Variants in SVIL observed in about 807,000 individuals in gnomAD.
The protein encoded by SVIL is archvillin.
A neutral mutation model predicts 240.4 loss-of-function variants in SVIL; 101 were observed. That is an observed-to-expected ratio of 0.42 (90% CI 0.36 to 0.50). SVIL has a LOEUF of 0.50. SVIL is among the 20% of genes least tolerant of loss of function. The pLI, the probability that SVIL is intolerant of heterozygous loss-of-function variation, is 0.01. For synonymous variants in SVIL, 999 were observed against 1,100.0 expected, an observed-to-expected ratio of 0.91 and a Z score of 1.82; for missense variants, 2,512 against 2,818.7, an observed-to-expected ratio of 0.89 and a Z score of 2.46.
chr10:29,556,576 C>T (rs1030017576), intron 3 of SVIL, among the ~76,000 whole-genome samples: 3 of 152,046 alleles, frequency 2.0e-5, no homozygotes, highest in South Asian at 2.1e-4. Context: ...TTGAGATAGC[C>T]GGCTTCAAAA....
Position 29,586,889 on chromosome 10 carries a change from C to T in SVIL, c.-200-17577G>A, listed in dbSNP as rs192164160. On this transcript the variant is annotated intron_variant, in intron 1 of 37. Transcript: ENST00000355867. ...GGGAACAACACACACTGGGGCCTTT[C>T]GCAGGGTGGAGGGTGGGAGGAGGGA... is the stretch of plus-strand genomic sequence containing the variant. Among the ~76,000 whole-genome samples, 335 of 152,112 alleles carry T rather than the reference C, an allele frequency of 2.2e-3. 2 individuals are homozygous for T. Among genetic ancestry groups the T allele is most frequent in the Non-Finnish European group, 4.1e-3 (279 of 67,990 alleles).
chr10:29,547,878 T>C (rs1478553887), intron 6 of SVIL, among the ~76,000 whole-genome samples: 1 of 152,226 alleles, frequency 6.6e-6, no homozygotes, highest in Non-Finnish European at 1.5e-5. Context: ...AATTGGAGTC[T>C]GTTAGGTTCT....
intron 16 of SVIL, among the ~76,000 whole-genome samples, chr10:29,520,497 T>C (rs7073659): frequency 0.44 from 66,678 of 152,006 alleles, 15,325 homozygotes; most frequent in African/African-American, 0.56. Flanking sequence ...TAACTTATCA[T>C]GAATTTTAAG....
Position 29,507,000 on chromosome 10 carries a change from A to G in SVIL, c.3516+5735T>C, listed in dbSNP as rs1949409250. On this transcript the variant is annotated intron_variant, in intron 17 of 37. Coordinates refer to ENST00000355867, the MANE Select transcript of SVIL (RefSeq NM_021738.3). ...GAAATAAAAGAAACCAGCCATTCCT[A>G]TTTTTCATGTTATTCACCCACACAG... Among the ~76,000 whole-genome samples, 6 of 152,190 alleles carry G rather than the reference A, an allele frequency of 3.9e-5. No individual in the cohort carries two copies. The South Asian group carries it at 1.2e-3, about 32-fold the overall frequency.
At chr10:29,668,414 A>G (rs1959497401) in intron 2 of SVIL, among the ~76,000 whole-genome samples, 1 of 152,206 alleles carries the variant, frequency 6.6e-6, no homozygotes, top group Non-Finnish European at 1.5e-5. Context: ...CAAATGTTTA[A>G]TTATGTTGAA....
rs752860612 is a variant in SVIL at position 29,606,956 on chromosome 10, C to T, written c.-201+27464G>A. Among the ~76,000 whole-genome samples the T allele has an allele frequency of 1.6e-4, 25 of 152,174 alleles. No homozygotes were observed. In the East Asian group the frequency reaches 1.9e-3, roughly 12 times the overall value. ...TTTTAGTAGAGACGAGGTTTCACCA[C>T]GCTGGCCAGGCTGGCCTCAAACTCC... On this transcript the variant is annotated intron_variant, in intron 1 of 37. Coordinates refer to ENST00000355867, the MANE Select transcript of SVIL (RefSeq NM_021738.3).
At chr10:29,473,382 A>G (rs918223331) in intron 30 of SVIL, among the ~76,000 whole-genome samples, 1 of 152,326 alleles carries the variant, frequency 6.6e-6, no homozygotes, top group Non-Finnish European at 1.5e-5. Context: ...TTCTCGTGAC[A>G]AAATTTCAGG....
chr10:29,510,647 C>G (rs1177725239), intron 17 of SVIL, among the ~76,000 whole-genome samples: 8 of 152,128 alleles, frequency 5.3e-5, no homozygotes, highest in African/African-American at 1.7e-4. Context: ...GTCAGCAAGG[C>G]TAGAGCTACT....
chr10:29,532,701 G>GA lies in SVIL; in HGVS notation c.1665dup (p.Gln556SerfsTer8). 6.2e-7 allele frequency: 1 copy of GA among 1,614,216 alleles called. No individual in the cohort carries two copies. ...TCCTTATACTTCAAGGCCTGGAGCT[G>GA]AGGGGGGCCTGTGAAATCTGACAGA... On this transcript the variant is annotated frameshift_variant, in exon 8 of 38. Coordinates refer to ENST00000355867, the MANE Select transcript of SVIL (RefSeq NM_021738.3). LOFTEE classifies it high-confidence loss of function.
chr10:29,600,717 C>A (rs1956779264), intron 1 of SVIL, among the ~76,000 whole-genome samples: 1 of 152,076 alleles, frequency 6.6e-6, no homozygotes, highest in South Asian at 2.1e-4. Flanking sequence ...CACAAAAGGA[C>A]CCTATGCAAA....
At chr10:29,615,793 C>CA (rs1399414705) in intron 1 of SVIL, among the ~76,000 whole-genome samples, 1 of 152,144 alleles carries the variant, frequency 6.6e-6, no homozygotes, top group Non-Finnish European at 1.5e-5. Context: ...AATTTAAGTA[C>CA]AAAAATGTTT....
intron 1 of SVIL, among the ~76,000 whole-genome samples, chr10:29,619,049 A>G (rs1029097824): frequency 2.1e-4 from 32 of 152,256 alleles, no homozygotes; most frequent in African/African-American, 7.2e-4. Context: ...GAACGGAAAG[A>G]TAATCAAACA....
chr10:29,723,674 C>A (rs1964117343), intron 1 of SVIL, among the ~76,000 whole-genome samples: 2 of 152,118 alleles, frequency 1.3e-5, no homozygotes, highest in African/African-American at 2.4e-5. Flanking sequence ...AATAGTCATT[C>A]TCCTATTTAC....
intron 6 of SVIL, among the ~76,000 whole-genome samples, chr10:29,547,412 C>A (rs1026712607): frequency 8.1e-6 from 1 of 123,450 alleles, no homozygotes; most frequent in African/African-American, 3.0e-5. Context: ...ATAAGGCATG[C>A]ACCTCTCTAG....
chr10:29,516,985 A>C (rs2132507936), intron 16 of SVIL, among the ~76,000 whole-genome samples: 1 of 152,338 alleles, frequency 6.6e-6, no homozygotes, highest in East Asian at 1.9e-4. Flanking sequence ...AGAGAATTAC[A>C]GGCACCCCAT....
intron 2 of SVIL, among the ~76,000 whole-genome samples, chr10:29,660,607 G>C (rs777292676): frequency 1.2e-4 from 19 of 152,012 alleles, no homozygotes; most frequent in Non-Finnish European, 7.4e-5. Flanking sequence ...AATTCTGGTG[G>C]GGGGAACGGG....
At chr10:29,476,890 T>C (rs555965728) in intron 29 of SVIL, among the ~76,000 whole-genome samples, 4 of 152,162 alleles carry the variant, frequency 2.6e-5, no homozygotes, top group African/African-American at 9.6e-5. Flanking sequence ...TGAGACAGGG[T>C]CTCACCCTGT....
chr10:29,494,506 T>C (rs1948252297), intron 20 of SVIL, among the ~76,000 whole-genome samples: 2 of 152,242 alleles, frequency 1.3e-5, no homozygotes, highest in Non-Finnish European at 2.9e-5. Context: ...GACTTTTATA[T>C]TGAAACATTT....
intron 1 of SVIL, among the ~76,000 whole-genome samples, chr10:29,606,957 G>A (rs879345011): frequency 3.9e-5 from 6 of 152,120 alleles, no homozygotes; most frequent in Non-Finnish European, 5.9e-5. Flanking sequence ...GTTTCACCAC[G>A]CTGGCCAGGC....
Sources: gnomAD v4.1 joint callset for allele counts (sites outside exome capture counted in the v4.1 genomes callset) on GRCh38, gnomAD v4.1.1 for gene constraint, MANE v1.5 for transcripts, NCBI Gene and HGNC (gene_info 2026-07-23, HGNC 2026-07-21) for gene names.